The following LUZP2 variants were observed in gnomAD, a reference collection of about 807,000 sequenced individuals.
LUZP2 encodes the protein leucine zipper protein 2.
Under a neutral mutation model 51.6 loss-of-function variants are expected in LUZP2, and 52 were observed. That is an observed-to-expected ratio of 1.01 (90% CI 0.81 to 1.27). The LOEUF (loss-of-function observed/expected upper bound fraction) is 1.27. LUZP2 is among the 50% of genes most tolerant of loss of function. LUZP2 has a pLI of 0.00. For synonymous variants in LUZP2, 154 were observed against 137.3 expected, an observed-to-expected ratio of 1.12 and a Z score of -0.85; for missense variants, 436 against 395.4, an observed-to-expected ratio of 1.10 and a Z score of -0.87.
At chr11:24,536,864 G>T (rs569544986) in intron 1 of LUZP2, among the ~76,000 whole-genome samples, 36 of 151,630 alleles carry the variant, frequency 2.4e-4, no homozygotes, top group Non-Finnish European at 5.0e-4. Flanking sequence ...TTTAAGTTTC[G>T]ATTTAAAGTG....
chr11:24,885,865 T>G (rs1252734832), intron 5 of LUZP2, among the ~76,000 whole-genome samples: 2 of 152,156 alleles, frequency 1.3e-5, no homozygotes, highest in Non-Finnish European at 2.9e-5. Flanking sequence ...TGCTTAAAAT[T>G]TCCTATACAA....
intron 2 of LUZP2, among the ~76,000 whole-genome samples, chr11:24,730,320 G>C (rs371651398): frequency 2.0e-5 from 3 of 151,748 alleles, no homozygotes; most frequent in East Asian, 3.9e-4. Flanking sequence ...TGCACAGATA[G>C]TTAAGGGACA....
intron 1 of LUZP2, among the ~76,000 whole-genome samples, chr11:24,568,341 G>A (rs1480001451): frequency 1.6e-5 from 2 of 123,348 alleles, no homozygotes; most frequent in Non-Finnish European, 3.3e-5. Flanking sequence ...CTGACAGAGT[G>A]AGAATCTGTC....
chr11:24,915,524 A>C (rs1380940741), intron 7 of LUZP2, among the ~76,000 whole-genome samples: 1 of 152,150 alleles, frequency 6.6e-6, no homozygotes, highest in Non-Finnish European at 1.5e-5. Flanking sequence ...GCATCCATGC[A>C]AAGGTAAAAC....
intron 7 of LUZP2, among the ~76,000 whole-genome samples, chr11:24,971,727 A>G (rs1389162320): frequency 2.0e-5 from 3 of 152,182 alleles, no homozygotes; most frequent in African/African-American, 4.8e-5. Context: ...TCAAAGTATT[A>G]CAACATGGGA....
rs1212128126 is a variant in LUZP2 at position 24,732,164 on chromosome 11, T to G, written c.227T>G (p.Leu76Arg). 1 of 1,609,484 alleles carries G rather than the reference T, an allele frequency of 6.2e-7. No individual in the cohort carries two copies. The highest frequency in any genetic ancestry group is 8.5e-7 in the Non-Finnish European group (1 of 1,177,128). ...EQSAKTDVQK[L>R]LELGQKQREE... ...TCTGCCAAAACTGATGTTCAGAAAC[T>G]TCTGGAATTAGGACAGAAACAAAGG... Residue 76 changes from leucine to arginine, a missense_variant, in exon 3 of 12, where the codon CTT (leucine) becomes CGT (arginine). Transcript: ENST00000336930.
intron 9 of LUZP2, among the ~76,000 whole-genome samples, chr11:25,013,886 C>G (rs377578578): frequency 2.0e-5 from 3 of 152,074 alleles, no homozygotes; most frequent in Non-Finnish European, 4.4e-5. Flanking sequence ...TCTCCTAATG[C>G]TATCCCTCCC....
At chr11:24,761,924 A>G (rs112255161) in intron 4 of LUZP2, among the ~76,000 whole-genome samples, 1,736 of 151,818 alleles carry the variant, frequency 0.011, 36 homozygotes, top group African/African-American at 0.04. Context: ...TAAGTTCAGT[A>G]TAGTGGTTAC....
intron 10 of LUZP2, among the ~76,000 whole-genome samples, chr11:25,073,223 G>A (rs1168502067): frequency 1.3e-5 from 2 of 152,154 alleles, no homozygotes; most frequent in African/African-American, 4.8e-5. Context: ...CCTTGCACTG[G>A]TTTATCTTCT....
At chr11:24,885,335 C>T (rs931292369) in intron 5 of LUZP2, among the ~76,000 whole-genome samples, 1 of 151,998 alleles carries the variant, frequency 6.6e-6, no homozygotes, top group Non-Finnish European at 1.5e-5. Flanking sequence ...TTACATTGTG[C>T]CAGCTTCTGA....
At chr11:25,041,488 A>T (rs1858058029) in intron 9 of LUZP2, among the ~76,000 whole-genome samples, 1 of 152,148 alleles carries the variant, frequency 6.6e-6, no homozygotes, top group African/African-American at 2.4e-5. Context: ...TTGTTACTTC[A>T]TCTTGGTCAG....
intron 6 of LUZP2, among the ~76,000 whole-genome samples, chr11:24,913,144 T>G (rs914079417): frequency 2.0e-5 from 3 of 152,194 alleles, no homozygotes; most frequent in Non-Finnish European, 4.4e-5. Context: ...AATTTTTTCA[T>G]TACCCTCCAA....
At chr11:25,045,772 A>G (rs555510296) in intron 9 of LUZP2, among the ~76,000 whole-genome samples, 9 of 147,336 alleles carry the variant, frequency 6.1e-5, no homozygotes, top group Non-Finnish European at 1.2e-4. Flanking sequence ...GGTAATTTTT[A>G]TGGTAAAACA....
At chr11:24,941,707 G>GA (rs1854751517) in intron 7 of LUZP2, among the ~76,000 whole-genome samples, 1 of 151,890 alleles carries the variant, frequency 6.6e-6, no homozygotes, top group Admixed American at 6.6e-5. Flanking sequence ...CCATCAGAAA[G>GA]AAAAAATTCA....
chr11:24,964,624 G>A (rs1855528314), intron 7 of LUZP2, among the ~76,000 whole-genome samples: 1 of 151,980 alleles, frequency 6.6e-6, no homozygotes. Flanking sequence ...TAACTACAGG[G>A]TATATTATAC....
intron 9 of LUZP2, among the ~76,000 whole-genome samples, chr11:24,993,236 A>G (rs1424845663): frequency 6.6e-6 from 1 of 152,144 alleles, no homozygotes; most frequent in Non-Finnish European, 1.5e-5. Flanking sequence ...CTTAGGTGAT[A>G]TATAATGGGA....
chr11:24,725,567 T>C (rs971955979), intron 1 of LUZP2, among the ~76,000 whole-genome samples: 12 of 151,976 alleles, frequency 7.9e-5, no homozygotes, highest in African/African-American at 2.9e-4. Flanking sequence ...GAAAAAGGAT[T>C]AATCTAAATA....
chr11:24,726,416 T>A (rs943911615), intron 1 of LUZP2, among the ~76,000 whole-genome samples: 5 of 151,376 alleles, frequency 3.3e-5, no homozygotes, highest in African/African-American at 1.2e-4. Context: ...ACACAAAATA[T>A]CTCATGTGCC....
chr11:24,584,079 A>AT (rs1351304673), intron 1 of LUZP2, among the ~76,000 whole-genome samples: 1 of 152,056 alleles, frequency 6.6e-6, no homozygotes, highest in Non-Finnish European at 1.5e-5. Flanking sequence ...ATATATCTAT[A>AT]TAGAGAGAAT....
Sources: gnomAD v4.1 joint callset for allele counts (sites outside exome capture counted in the v4.1 genomes callset) on GRCh38, gnomAD v4.1.1 for gene constraint, MANE v1.5 for transcripts, NCBI Gene and HGNC (gene_info 2026-07-23, HGNC 2026-07-21) for gene names.